The following SLC13A3 variants were observed in gnomAD, a reference collection of about 807,000 sequenced individuals.
The protein encoded by SLC13A3 is solute carrier family 13 member 3.
SLC13A3 carries 40 observed loss-of-function variants against 59.0 expected under a neutral mutation model. The observed-to-expected ratio is 0.68, with a 90% confidence interval of 0.53 to 0.88. The LOEUF is 0.88. Among genes scored for constraint, SLC13A3 ranks in the 40% least tolerant of loss-of-function variants. SLC13A3 has a pLI of 0.00. For synonymous variants in SLC13A3, 317 were observed against 330.3 expected (o/e 0.96, Z 0.44); for missense variants, 699 against 783.2 (o/e 0.89, Z 1.28).
At chr20:46,656,283 T>C (rs1461879615), upstream of SLC13A3, among the ~76,000 whole-genome samples, 1 of 79,060 alleles carries the variant, frequency 1.3e-5, no homozygotes, top group African/African-American at 3.3e-5. Flanking sequence ...GTATATATTA[T>C]ACTGTATATA....
At position 46,566,330 on chromosome 20, in the gene SLC13A3, C is replaced by G; in HGVS notation, c.1393G>C (p.Ala465Pro). The G allele has an allele frequency of 6.2e-7, 1 of 1,612,654 alleles. No homozygotes were observed. Among genetic ancestry groups the G allele is most frequent in the East Asian group, 2.2e-5 (1 of 44,816 alleles). The change falls in exon 11 of 13, where the codon GCC becomes CCC. Residue 465 changes from alanine to proline, a missense_variant. Transcript: ENST00000279027. ...ACAGTGATGAGCAGCACAGCCAGGG[C>G]GGGGGGCACATTCTCCAGGGGGTGC... ...QLHPLENVPP[A>P]LAVLLITVVI...
intron 1 of SLC13A3, among the ~76,000 whole-genome samples, chr20:46,679,155 G>A (rs2063141324): frequency 6.6e-6 from 1 of 152,146 alleles, no homozygotes; most frequent in Non-Finnish European, 1.5e-5. Flanking sequence ...AATGCAAAAG[G>A]CCTAATACAC....
chr20:46,629,861 T>A (rs1245387964), intron 1 of SLC13A3, among the ~76,000 whole-genome samples: 3 of 152,264 alleles, frequency 2.0e-5, no homozygotes, highest in Non-Finnish European at 4.4e-5. Context: ...TTCTCCCACT[T>A]CATAACACAA....
At chr20:46,666,053 A>G (rs1427101080) in intron 1 of SLC13A3, among the ~76,000 whole-genome samples, 2 of 152,224 alleles carry the variant, frequency 1.3e-5, no homozygotes, top group Non-Finnish European at 2.9e-5. Context: ...TTGCCAGCAG[A>G]GCTGGTAGGT....
intron 1 of SLC13A3, among the ~76,000 whole-genome samples, chr20:46,631,441 T>C (rs911790380): frequency 1.3e-5 from 2 of 152,196 alleles, no homozygotes; most frequent in Non-Finnish European, 2.9e-5. Flanking sequence ...GTTAAGGCCA[T>C]GCTTTCTCTT....
chr20:46,579,646 A>AC (rs1245224133), intron 9 of SLC13A3, among the ~76,000 whole-genome samples: 3 of 152,056 alleles, frequency 2.0e-5, no homozygotes, highest in African/African-American at 7.3e-5. Flanking sequence ...CAGTTCAAAG[A>AC]CCCCTGGGCT....
chr20:46,663,912 T>A (rs1252635339), intron 1 of SLC13A3, among the ~76,000 whole-genome samples: 1 of 152,198 alleles, frequency 6.6e-6, no homozygotes, highest in Non-Finnish European at 1.5e-5. Context: ...GTGAGTATCC[T>A]TCATGCACCA....
At chr20:46,632,406 C>A (rs953198202) in intron 1 of SLC13A3, among the ~76,000 whole-genome samples, 2 of 151,812 alleles carry the variant, frequency 1.3e-5, no homozygotes, top group African/African-American at 2.4e-5. Flanking sequence ...ATGGGAATGA[C>A]GGCCTCACAG....
chr20:46,673,193 G>A (rs2063102967), upstream of SLC13A3, among the ~76,000 whole-genome samples: 1 of 152,168 alleles, frequency 6.6e-6, no homozygotes, highest in African/African-American at 2.4e-5. Flanking sequence ...TCTAAGGGCT[G>A]TTCCCATTTA....
chr20:46,568,598 C>T (rs2062002920), intron 10 of SLC13A3, among the ~76,000 whole-genome samples: 1 of 152,098 alleles, frequency 6.6e-6, no homozygotes, highest in Admixed American at 6.5e-5. Context: ...GTCTGCTAGC[C>T]TGGGGAATAC....
At chr20:46,566,550 G>A (rs777419712) in intron 10 of SLC13A3, 160 bp from the exon 11 acceptor site, 104 of 704,014 alleles carry the variant, frequency 1.5e-4, no homozygotes, top group Non-Finnish European at 2.0e-4. Flanking sequence ...TCACACATTC[G>A]AGCCAAGGTC....
At chr20:46,626,097 T>TTCTCTCTCTCTCTCTC (rs74176872) in intron 1 of SLC13A3, among the ~76,000 whole-genome samples, 5 of 145,888 alleles carry the variant, frequency 3.4e-5, no homozygotes, top group African/African-American at 1.3e-4. Flanking sequence ...CAAAGCTGTA[T>TTCTCTCTCTCTCTCTC]TCTCTCTCTC....
At chr20:46,563,666 CAG>C in intron 11 of SLC13A3, 115 bp from the exon 12 acceptor site, 1 of 1,148,770 alleles carries the variant, frequency 8.7e-7, no homozygotes. Flanking sequence ...GACGTAGAGA[CAG>C]AGAGACAAAG....
intron 9 of SLC13A3, 42 bp from the exon 10 acceptor site, chr20:46,575,727 A>G: frequency 2.3e-6 from 3 of 1,296,966 alleles, no homozygotes; most frequent in South Asian, 2.9e-5. Context: ...AGGGCCGCTC[A>G]GCCTGAGGCA....
chr20:46,609,273 C>T (rs188004405), intron 3 of SLC13A3, among the ~76,000 whole-genome samples: 1 of 152,256 alleles, frequency 6.6e-6, no homozygotes, highest in East Asian at 1.9e-4. Context: ...CTGAATTGAT[C>T]CTGGACTTCT....
At chr20:46,655,651 G>A (rs59993070), upstream of SLC13A3, among the ~76,000 whole-genome samples, 1 of 146,658 alleles carries the variant, frequency 6.8e-6, no homozygotes, top group African/African-American at 2.5e-5. Flanking sequence ...CTACCTTTCG[G>A]CTATTGTGAG....
At position 46,613,666 on chromosome 20, in the gene SLC13A3, C is replaced by T; in HGVS notation, c.171G>A (p.Leu57=). ...LMAVYWCTEA[L]PLSVTALLPI... ...GCAGCAGCGCCGTCACTGAGAGCGGCAGGGCCTCCGTGCACCAGTACACCG... is the reference window on the plus strand; with the variant it reads ...GCAGCAGCGCCGTCACTGAGAGCGGTAGGGCCTCCGTGCACCAGTACACCG... Residue 57 remains leucine (L), a synonymous_variant, in exon 2 of 13, where the codon CTG becomes CTA. Transcript: ENST00000279027. 6.2e-7 allele frequency: 1 copy of T among 1,612,090 alleles called. No homozygotes were observed. The highest frequency in any genetic ancestry group is 8.5e-7 in the Non-Finnish European group (1 of 1,179,262).
chr20:46,679,604 A>G (rs139388482), intron 1 of SLC13A3, among the ~76,000 whole-genome samples: 2,035 of 145,692 alleles, frequency 0.014, 40 homozygotes, highest in African/African-American at 0.05. Flanking sequence ...ACAGAGCGAG[A>G]CTCCGTCTCA....
At chr20:46,626,243 TCCTTCCTCTCTCTCCTC>T (rs1165877616) in intron 1 of SLC13A3, among the ~76,000 whole-genome samples, 1 of 147,996 alleles carries the variant, frequency 6.8e-6, no homozygotes, top group East Asian at 2.0e-4. Context: ...CTTTTCTCTT[TCCTTCCTCTCTCTCCTC>T]CCTTTCTCTC....
Sources: allele counts gnomAD v4.1 joint callset (sites outside exome capture counted in the v4.1 genomes callset), GRCh38; gene constraint gnomAD v4.1.1; transcripts MANE v1.5; gene names NCBI Gene and HGNC (gene_info 2026-07-23, HGNC 2026-07-21).